Variants in EBF1 observed in about 807,000 individuals in gnomAD.
EBF1 encodes transcription factor COE1.
EBF1 carries 10 observed loss-of-function variants against 68.4 expected under a neutral mutation model. The observed-to-expected ratio is 0.15, with a 90% CI of 0.09 to 0.25. The LOEUF (loss-of-function observed/expected upper bound fraction) is 0.25. Ranked by LOEUF, EBF1 falls within the 10% of genes least tolerant of loss-of-function variation. EBF1 has a pLI of 1.00. For missense variants in EBF1, 509 were observed against 794.4 expected, an observed-to-expected ratio of 0.64 and a Z score of 4.32; for synonymous variants, 298 against 299.8, an observed-to-expected ratio of 0.99 and a Z score of 0.06.
intron 10 of EBF1, among the ~76,000 whole-genome samples, chr5:158,769,696 T>A (rs1773492815): frequency 6.6e-6 from 1 of 151,712 alleles, no homozygotes. Context: ...TCAGCATACA[T>A]CTGATCAGGG....
At chr5:158,703,246 CAGTT>C (rs1330265696) in intron 15 of EBF1, among the ~76,000 whole-genome samples, 2 of 152,180 alleles carry the variant, frequency 1.3e-5, no homozygotes, top group African/African-American at 4.8e-5. Context: ...AAAACAGACA[CAGTT>C]AGGTAGTCTG....
chr5:158,912,773 C>T (rs752614968), intron 6 of EBF1, among the ~76,000 whole-genome samples: 2 of 152,130 alleles, frequency 1.3e-5, no homozygotes, highest in Admixed American at 6.5e-5. Context: ...TAGCTCTGTG[C>T]CATGTTTTAT....
chr5:158,845,336 A>G (rs1791242103), intron 6 of EBF1, among the ~76,000 whole-genome samples: 1 of 152,202 alleles, frequency 6.6e-6, no homozygotes, highest in Non-Finnish European at 1.5e-5. Context: ...ATCACTGTGC[A>G]GCTTTCACCG....
intron 10 of EBF1, among the ~76,000 whole-genome samples, chr5:158,762,147 G>A (rs918146756): frequency 6.6e-6 from 1 of 152,100 alleles, no homozygotes; most frequent in African/African-American, 2.4e-5. Context: ...ATGAAGTCCT[G>A]AAAGCACTTT....
chr5:158,894,325 T>C (rs1437172329), intron 6 of EBF1, among the ~76,000 whole-genome samples: 1 of 152,170 alleles, frequency 6.6e-6, no homozygotes, highest in African/African-American at 2.4e-5. Context: ...GAAGAGGCCA[T>C]TGAATTTTTT....
intron 6 of EBF1, among the ~76,000 whole-genome samples, chr5:159,011,527 T>C (rs1239876468): frequency 6.6e-6 from 1 of 152,166 alleles, no homozygotes; most frequent in Non-Finnish European, 1.5e-5. Context: ...AAATAATAAG[T>C]ATTTTCATCA....
In EBF1 at chr5:158,784,286, C is replaced by T. The variant is rs115843936; in HGVS notation, c.910-6747G>A. Among the ~76,000 whole-genome samples the T allele has an allele frequency of 2.4e-3, 360 of 152,288 alleles. 1 individual carries two copies. The highest frequency in any genetic ancestry group is 7.8e-3 in the African/African-American group (323 of 41,554). On this transcript the variant is annotated intron_variant, in intron 9 of 15. Coordinates refer to ENST00000313708, the MANE Select transcript of EBF1 (RefSeq NM_024007.5). ...AGTGGCCAGTCGGCCTGACTAATGA[C>T]CATCATTATACAACCATGACTATCT...
At chr5:158,916,160 ATG>A (rs1807151027) in intron 6 of EBF1, among the ~76,000 whole-genome samples, 1 of 152,176 alleles carries the variant, frequency 6.6e-6, no homozygotes, top group South Asian at 2.1e-4. Context: ...AAGTGCCTTT[ATG>A]CCAAGGATGG....
chr5:158,821,054 C>A (rs1419844765), intron 8 of EBF1, among the ~76,000 whole-genome samples: 1 of 152,172 alleles, frequency 6.6e-6, no homozygotes, highest in South Asian at 2.1e-4. Flanking sequence ...TGGCTGGGGC[C>A]GAGGGGCACC....
chr5:158,775,192 T>C (rs1349865360), intron 10 of EBF1, among the ~76,000 whole-genome samples: 3 of 152,104 alleles, frequency 2.0e-5, no homozygotes, highest in African/African-American at 7.2e-5. Context: ...AAGATGTGAT[T>C]TCTTAAACTG....
At position 158,856,158 on chromosome 5, in the gene EBF1, C is replaced by T. The variant is rs1793960913; in HGVS notation, c.555-16048G>A. ...CTGGGGTTCTTCTGCTGATGGCTAC[C>T]AGATGTCAGAGAGGGGCCTCTGAGA... is the stretch of plus-strand genomic sequence containing the variant. On this transcript the variant is annotated intron_variant, in intron 6 of 15. Coordinates refer to ENST00000313708, the MANE Select transcript of EBF1 (RefSeq NM_024007.5). Among the ~76,000 whole-genome samples, 3 of 152,210 alleles carry T rather than the reference C, an allele frequency of 2.0e-5. No homozygotes were observed. In the South Asian group the frequency reaches 6.2e-4, roughly 32 times the overall value.
intron 6 of EBF1, among the ~76,000 whole-genome samples, chr5:158,992,383 A>G (rs1760510637): frequency 1.3e-5 from 2 of 151,872 alleles, no homozygotes; most frequent in Non-Finnish European, 2.9e-5. Context: ...ATGAATGTGT[A>G]TCTTGTGAAG....
At chr5:159,080,419 C>T (rs927541277) in intron 5 of EBF1, among the ~76,000 whole-genome samples, 4 of 152,192 alleles carry the variant, frequency 2.6e-5, no homozygotes, top group Admixed American at 2.0e-4. Flanking sequence ...CAAAGTCTTC[C>T]CTGGCTCTCC....
chr5:159,007,810 G>T (rs570469133), intron 6 of EBF1, among the ~76,000 whole-genome samples: 1 of 152,042 alleles, frequency 6.6e-6, no homozygotes, highest in Non-Finnish European at 1.5e-5. Context: ...CAGAAATGAG[G>T]GGTGTTAGAA....
intron 6 of EBF1, among the ~76,000 whole-genome samples, chr5:158,943,024 A>AGGGGGGAAGGAATGAAG (rs1554084226): frequency 1.2e-5 from 1 of 85,770 alleles, no homozygotes; most frequent in Non-Finnish European, 2.1e-5. Flanking sequence ...GAAGGGAGGG[A>AGGGGGGAAGGAATGAAG]GGGGGGAAGG....
chr5:158,950,575 A>G (rs34938709), intron 6 of EBF1, among the ~76,000 whole-genome samples: 80,796 of 152,072 alleles, frequency 0.53, 21,867 homozygotes, highest in South Asian at 0.7. Context: ...AAGTCTTACG[A>G]GTAAAATTGG....
intron 8 of EBF1, among the ~76,000 whole-genome samples, chr5:158,810,244 C>A (rs1782400508): frequency 6.6e-6 from 1 of 152,150 alleles, no homozygotes; most frequent in South Asian, 2.1e-4. Flanking sequence ...CACCCACCAG[C>A]CCACGGATAA....
intron 6 of EBF1, among the ~76,000 whole-genome samples, chr5:158,874,300 T>G (rs1314901158): frequency 2.0e-5 from 3 of 152,170 alleles, no homozygotes; most frequent in Non-Finnish European, 2.9e-5. Flanking sequence ...GAGATACAAC[T>G]ATAGTATGTT....
chr5:158,884,000 G>A (rs980117154), intron 6 of EBF1, among the ~76,000 whole-genome samples: 12 of 152,110 alleles, frequency 7.9e-5, no homozygotes, highest in South Asian at 2.1e-4. Context: ...GGGAAGCTGC[G>A]CACTCCAACA....
Sources: gnomAD v4.1 joint callset for allele counts (sites outside exome capture counted in the v4.1 genomes callset) on GRCh38, gnomAD v4.1.1 for gene constraint, MANE v1.5 for transcripts, NCBI Gene and HGNC (gene_info 2026-07-23, HGNC 2026-07-21) for gene names.